CCDC83: variants seen among roughly 807,000 people sequenced by gnomAD.
CCDC83 encodes the protein coiled-coil domain containing 83.
A neutral mutation model predicts 50.1 loss-of-function variants in CCDC83; 54 were observed. That is an observed-to-expected ratio of 1.08 (90% confidence interval 0.87 to 1.35). The LOEUF is 1.35. CCDC83 is among the 40% of genes most tolerant of loss of function. CCDC83 has a pLI of 0.00. For missense variants in CCDC83, 518 were observed against 473.9 expected (o/e 1.09, Z -0.86); for synonymous variants, 161 against 153.3 (o/e 1.05, Z -0.37).
In CCDC83 at chr11:85,916,016, T is replaced by C. The variant is rs2093475589; in HGVS notation, c.875-12T>C. ...AATGTATACATAATTAATTCCTTTG[T>C]ATTTATCCAAGAAGAGAAGTCAGAA... On this transcript the variant is annotated splice_polypyrimidine_tract_variant and intron_variant, in intron 9 of 10. Coordinates refer to ENST00000342404, the MANE Select transcript of CCDC83 (RefSeq NM_001286159.2). 1.9e-6 allele frequency: 3 copies of C among 1,556,766 alleles called. No homozygotes were observed. Among genetic ancestry groups the C allele is most frequent in the South Asian group, 2.3e-5 (2 of 88,228 alleles).
rs756949334 is a variant in CCDC83 at position 85,917,166 on chromosome 11, G to GAGAGAAAGAA, written c.1080+936_1080+937insGAAAGAAAGA. Among the ~76,000 whole-genome samples the GAGAGAAAGAA allele has an allele frequency of 3.2e-3, 202 of 62,420 alleles. 2 individuals carry two copies. In the East Asian group the frequency reaches 0.035, roughly 11 times the overall value. The allele number at this position is 62,420 out of a possible 152,430, so 40.9% of individuals were successfully genotyped here. On this transcript the variant is annotated intron_variant, in intron 10 of 10. Transcript: ENST00000342404. ...AGAGAGAGAGAGAGAGAGAGAGAGA[G>GAGAGAAAGAA]AGAAAGAAAGAAAGAAAGAAAGAAA... is the stretch of plus-strand genomic sequence containing the variant.
Position 85,895,311 on chromosome 11 carries a change from T to C in CCDC83, c.530T>C (p.Leu177Pro), listed in dbSNP as rs866251940. Residue 177 changes from leucine to proline, a missense_variant, in exon 6 of 11, where the codon CTG (leucine) becomes CCG (proline). Coordinates refer to ENST00000342404, the MANE Select transcript of CCDC83 (RefSeq NM_001286159.2). ...EKMSEHYKIT[L>P]EDTRKKIIKE... ...TTTAAAGAACACTATAAAATCACTC[T>C]GGAAGATACTAGAAAGAAAATAATC... 1 of 1,071,084 alleles carries C rather than the reference T, an allele frequency of 9.3e-7. No homozygotes were observed. Among genetic ancestry groups the C allele is most frequent in the Middle Eastern group, 2.2e-4 (1 of 4,618 alleles). 66.3% of individuals were successfully genotyped at this position (1,071,084 alleles called of 1,614,324 possible).
At chr11:85,904,669 C>A (rs946339418) in intron 7 of CCDC83, among the ~76,000 whole-genome samples, 1 of 152,134 alleles carries the variant, frequency 6.6e-6, no homozygotes, top group Non-Finnish European at 1.5e-5. Flanking sequence ...AATATTTTCA[C>A]GTGGATGTCC....
chr11:85,904,006 TAAATA>T (rs1377516057), intron 7 of CCDC83, among the ~76,000 whole-genome samples: 2 of 151,410 alleles, frequency 1.3e-5, no homozygotes, highest in African/African-American at 4.8e-5. Flanking sequence ...ATTTAAAAAT[TAAATA>T]AAATAAAAAA....
intron 1 of CCDC83, among the ~76,000 whole-genome samples, chr11:85,857,259 A>G (rs899954103): frequency 1.3e-5 from 2 of 152,184 alleles, no homozygotes; most frequent in Non-Finnish European, 2.9e-5. Context: ...CATAGGACCC[A>G]TGGAGATGGC....
At position 85,882,609 on chromosome 11, in the gene CCDC83, G is replaced by C. The variant is rs768567443; in HGVS notation, c.277G>C (p.Glu93Gln). ...AGAGGGATTGCCAGTTGTAACAAGA[G>C]AGGATGTTGAAGAAGCGATGAAGGA... ...KAEGLPVVTR[E>Q]DVEEAMKEKW... Residue 93 changes from glutamate (E) to glutamine (Q), a missense_variant, in exon 4 of 11, where the codon GAG (glutamate) becomes CAG (glutamine). Transcript: ENST00000342404. 6.2e-7 allele frequency: 1 copy of C among 1,613,964 alleles called. No homozygotes were observed. Among genetic ancestry groups the C allele is most frequent in the East Asian group, 2.2e-5 (1 of 44,892 alleles).
intron 3 of CCDC83, among the ~76,000 whole-genome samples, chr11:85,878,558 A>G (rs770044884): frequency 1.3e-5 from 2 of 152,204 alleles, no homozygotes; most frequent in Non-Finnish European, 2.9e-5. Flanking sequence ...GTGGGGATGT[A>G]CCAGTTTGTT....
At chr11:85,867,072 T>A (rs2093211578) in intron 2 of CCDC83, among the ~76,000 whole-genome samples, 1 of 152,188 alleles carries the variant, frequency 6.6e-6, no homozygotes, top group African/African-American at 2.4e-5. Flanking sequence ...TGTTGTTGTT[T>A]AAAGACAGAG....
At chr11:85,915,587 C>T in intron 9 of CCDC83, 89 bp downstream of exon 9, 1 of 870,576 alleles carries the variant, frequency 1.1e-6, no homozygotes. Context: ...AGCAGGTGCC[C>T]CACATACAAA....
chr11:85,901,939 G>C (rs773190306), intron 7 of CCDC83, among the ~76,000 whole-genome samples: 1 of 152,114 alleles, frequency 6.6e-6, no homozygotes, highest in Non-Finnish European at 1.5e-5. Flanking sequence ...GCTGGAGTGG[G>C]AGAATCACTT....
chr11:85,857,476 G>A (rs550608323), intron 1 of CCDC83, among the ~76,000 whole-genome samples: 8 of 152,216 alleles, frequency 5.3e-5, no homozygotes, highest in East Asian at 3.9e-4. Context: ...TCTGGATGTC[G>A]CTTGGGCCCC....
intron 10 of CCDC83, among the ~76,000 whole-genome samples, chr11:85,917,206 GAAGGAAAGAA>G (rs2093484809): frequency 8.0e-6 from 1 of 125,170 alleles, no homozygotes; most frequent in African/African-American, 3.1e-5. Flanking sequence ...AAGAAAGAAA[GAAGGAAAGAA>G]AGAAAGAAAG....
chr11:85,916,255 C>T (rs1425050227), intron 10 of CCDC83, 22 bp downstream of exon 10: 1 of 1,472,320 alleles, frequency 6.8e-7, no homozygotes, highest in East Asian at 2.3e-5. Context: ...AACAACACAA[C>T]TTTGACTACT....
At position 85,886,251 on chromosome 11, in the gene CCDC83, G is replaced by T; in HGVS notation, c.395G>T (p.Ser132Ile). 6.2e-7 allele frequency: 1 copy of T among 1,603,034 alleles called. No homozygotes were observed. The highest frequency in any genetic ancestry group is 8.5e-7 in the Non-Finnish European group (1 of 1,176,308). Residue 132 changes from serine to isoleucine, a missense_variant, in exon 5 of 11, where the codon AGT (serine) becomes ATT (isoleucine). Coordinates refer to ENST00000342404, the MANE Select transcript of CCDC83 (RefSeq NM_001286159.2). ...GAGAAACTATTTCTTGAGAAACTCAGTGAAAAGGAATATTGGGAGGAGTAC... is the reference window on the plus strand; with the variant it reads ...GAGAAACTATTTCTTGAGAAACTCATTGAAAAGGAATATTGGGAGGAGTAC... ...NAEKLFLEKL[S>I]EKEYWEEYKN...
rs1398791280 is a variant in CCDC83, at chr11:85,896,423, A to C, written c.603+1039A>C. Reference sequence around the variant, plus strand: ...CTCAAAAAAAAAAAAAAAAAAAAAAAAAAACCAAAAAACTGAAATTCTCCA... The same window carrying C: ...CTCAAAAAAAAAAAAAAAAAAAAAACAAAACCAAAAAACTGAAATTCTCCA... On this transcript the variant is annotated intron_variant, in intron 6 of 10. Coordinates refer to ENST00000342404, the MANE Select transcript of CCDC83 (RefSeq NM_001286159.2). 5.3e-5 allele frequency among the ~76,000 whole-genome samples: 8 copies of C among 151,174 alleles called. No individual in the cohort carries two copies. The East Asian group carries it at 1.6e-3, about 29-fold the overall frequency.
At position 85,898,984 on chromosome 11, in the gene CCDC83, A is replaced by T; in HGVS notation, c.641A>T (p.Glu214Val). ...VKLIDKGSYL[E>V]IWENDWLKKE... ...CTCATTGACAAGGGCAGTTATCTAG[A>T]GATCTGGGAGAATGACTGGCTCAAA... The change falls in exon 7 of 11, where the codon GAG (glutamate) becomes GTG (valine). Residue 214 changes from glutamate to valine, a missense_variant. Transcript: ENST00000342404. 6.2e-7 allele frequency: 1 copy of T among 1,612,246 alleles called. No individual in the cohort carries two copies. Among genetic ancestry groups the T allele is most frequent in the Non-Finnish European group, 8.5e-7 (1 of 1,178,808 alleles).
At chr11:85,860,697 CA>C (rs1415243822) in intron 1 of CCDC83, among the ~76,000 whole-genome samples, 1 of 152,212 alleles carries the variant, frequency 6.6e-6, no homozygotes, top group Non-Finnish European at 1.5e-5. Flanking sequence ...ATGTTCATCG[CA>C]GCACTGTTCA....
intron 5 of CCDC83, among the ~76,000 whole-genome samples, chr11:85,888,876 A>G (rs1179913159): frequency 6.6e-6 from 1 of 152,164 alleles, no homozygotes; most frequent in Non-Finnish European, 1.5e-5. Flanking sequence ...CTTATTCTCT[A>G]CTATCTATTC....
intron 7 of CCDC83, among the ~76,000 whole-genome samples, chr11:85,907,434 C>A (rs1333251943): frequency 1.3e-5 from 2 of 152,150 alleles, no homozygotes; most frequent in Non-Finnish European, 2.9e-5. Flanking sequence ...AAATTACCAT[C>A]AGGATTTCAA....
Sources: allele counts gnomAD v4.1 joint callset (sites outside exome capture counted in the v4.1 genomes callset), GRCh38; gene constraint gnomAD v4.1.1; transcripts MANE v1.5; gene names NCBI Gene and HGNC (gene_info 2026-07-23, HGNC 2026-07-21).